PAQR3: variants seen among roughly 807,000 people sequenced by gnomAD.
The protein encoded by PAQR3 is progestin and adipoQ receptor family member 3.
A neutral mutation model predicts 41.7 loss-of-function variants in PAQR3; 39 were observed. The observed-to-expected ratio is 0.93, with a 90% CI of 0.72 to 1.22. The LOEUF (loss-of-function observed/expected upper bound fraction) is 1.22. Among genes scored for constraint, PAQR3 ranks in the 50% most tolerant of loss-of-function variants. The pLI, the probability that PAQR3 is intolerant of heterozygous loss-of-function variation, is 0.00. For missense variants in PAQR3, 366 were observed against 385.6 expected (o/e 0.95, Z 0.42); for synonymous variants, 140 against 140.6 (o/e 1.00, Z 0.03).
At chr4:78,924,198 C>G (rs914477811) in intron 4 of PAQR3, among the ~76,000 whole-genome samples, 3 of 152,100 alleles carry the variant, frequency 2.0e-5, no homozygotes, top group Admixed American at 2.0e-4. Flanking sequence ...CATCCAACTC[C>G]ATCTACAATG....
downstream of PAQR3, among the ~76,000 whole-genome samples, chr4:78,907,163 T>C (rs1040569113): frequency 3.3e-5 from 5 of 152,162 alleles, no homozygotes; most frequent in African/African-American, 1.2e-4. Context: ...GAATAAATAA[T>C]AGACTGTTGA....
At chr4:78,911,644 A>G, downstream of PAQR3, 1 of 1,613,952 alleles carries the variant, frequency 6.2e-7, no homozygotes, top group Non-Finnish European at 8.5e-7. Flanking sequence ...TCAAAGTAGC[A>G]ATGAATTTTT....
chr4:78,922,495 C>A (rs939542115), intron 5 of PAQR3: 2 of 1,196,702 alleles, frequency 1.7e-6, no homozygotes, highest in Middle Eastern at 2.2e-4. Flanking sequence ...GCTCTCCAAA[C>A]TGAAAAAAAA....
At position 78,912,216 on chromosome 4, in the gene PAQR3, C is replaced by G. The variant is rs1042873465; in HGVS notation, c.*8323G>C. ...TCTCTACAGGGTAGTAACTTGATTC[C>G]TCTTCAGGAGAAAAGGGAGCTAAAT... On this transcript the variant is annotated 3_prime_UTR_variant, in exon 6 of 6. Transcript: ENST00000512733. 13 of 571,646 alleles carry G rather than the reference C, an allele frequency of 2.3e-5. No individual in the cohort carries two copies. In the African/African-American group the frequency reaches 2.4e-4, roughly 11 times the overall value. 35.4% of individuals were successfully genotyped at this position (571,646 alleles called of 1,614,324 possible).
At chr4:78,934,693 A>G (rs566651352) in intron 2 of PAQR3, among the ~76,000 whole-genome samples, 1 of 152,348 alleles carries the variant, frequency 6.6e-6, no homozygotes, top group South Asian at 2.1e-4. Flanking sequence ...TAAAAAATCA[A>G]TACCAGCAAA....
chr4:78,903,160 C>T (rs1734104959), intron 11 of PAQR3, among the ~76,000 whole-genome samples: 1 of 151,492 alleles, frequency 6.6e-6, no homozygotes, highest in South Asian at 2.1e-4. Flanking sequence ...ATTTTAACAC[C>T]TTCATAAAAG....
At chr4:78,908,360 C>G (rs1327850212), downstream of PAQR3, among the ~76,000 whole-genome samples, 1 of 152,170 alleles carries the variant, frequency 6.6e-6, no homozygotes, top group Non-Finnish European at 1.5e-5. Context: ...TTACCTCCCT[C>G]AAACATTCTT....
At chr4:78,893,647 C>T (rs1166282838) in intron 11 of PAQR3, among the ~76,000 whole-genome samples, 3 of 152,298 alleles carry the variant, frequency 2.0e-5, no homozygotes, top group East Asian at 1.9e-4. Context: ...ACTATGGCCT[C>T]GAACTCCTGG....
chr4:78,887,088 TTTTA>T (rs1277153621), downstream of PAQR3: 6 of 957,316 alleles, frequency 6.3e-6, no homozygotes, highest in African/African-American at 1.0e-4. Flanking sequence ...TAATTTTCAC[TTTTA>T]TTTATATGTA....
chr4:78,920,080 T>C lies in PAQR3; in HGVS notation c.*459A>G, dbSNP rs1404620572. ...TAAATCTAGTGATTTTAGTGATTAT[T>C]TAAAATCACTATCCTAGCTTGCATT... On this transcript the variant is annotated 3_prime_UTR_variant, in exon 6 of 6. Transcript: ENST00000512733. The C allele has an allele frequency of 1.0e-6, 1 of 984,954 alleles. No individual in the cohort carries two copies. Among genetic ancestry groups the C allele is most frequent in the Non-Finnish European group, 1.2e-6 (1 of 829,306 alleles). 61.0% of individuals were successfully genotyped at this position (984,954 alleles called of 1,614,324 possible). A position where few individuals can be genotyped will look rare whatever the true frequency, so the allele number is the denominator to read the frequency against.
At chr4:78,931,581 C>A (rs887273854) in intron 2 of PAQR3, among the ~76,000 whole-genome samples, 4 of 152,032 alleles carry the variant, frequency 2.6e-5, no homozygotes, top group Non-Finnish European at 4.4e-5. Context: ...TACAGAATCA[C>A]TGAACAAACA....
chr4:78,926,457 C>T, intron 4 of PAQR3, 64 bp downstream of exon 4: 2 of 1,433,240 alleles, frequency 1.4e-6, no homozygotes, highest in Non-Finnish European at 1.9e-6. Flanking sequence ...TACTACTTTA[C>T]CCAAAAGGAA....
At chr4:78,931,860 T>C (rs1486100759) in intron 2 of PAQR3, among the ~76,000 whole-genome samples, 2 of 152,184 alleles carry the variant, frequency 1.3e-5, no homozygotes, top group African/African-American at 4.8e-5. Flanking sequence ...ACATTTCCTA[T>C]ACATTAATGG....
Position 78,919,623 on chromosome 4 carries a change from T to G in PAQR3, c.*916A>C, listed in dbSNP as rs574412498. ...CAGGGTCAAGACAGGGCCATCTAGA[T>G]TCTATGGCCTTGCAAGTAGCACCCA... On this transcript the variant is annotated 3_prime_UTR_variant, in exon 6 of 6. Transcript: ENST00000512733. 1 of 985,080 alleles carries G rather than the reference T, an allele frequency of 1.0e-6. No homozygotes were observed. Among genetic ancestry groups the G allele is most frequent in the South Asian group, 4.7e-5 (1 of 21,292 alleles). 61.0% of individuals were successfully genotyped at this position (985,080 alleles called of 1,614,324 possible).
In PAQR3 at chr4:78,939,389, G is replaced by C. The variant is rs1448639089; in HGVS notation, c.-165C>G. ...AGGGCCCGGCTCTGCGCTCACACCG[G>C]CCACTGCCGCCAGCGCCGCGGCGGA... On this transcript the variant is annotated 5_prime_UTR_variant, in exon 1 of 6. Transcript: ENST00000512733. 4.8e-6 allele frequency: 2 copies of C among 415,284 alleles called. No homozygotes were observed. The highest frequency in any genetic ancestry group is 1.1e-4 in the South Asian group (1 of 8,742). 25.7% of individuals were successfully genotyped at this position (415,284 alleles called of 1,614,324 possible). A position where few individuals can be genotyped will look rare whatever the true frequency, so the allele number is the denominator to read the frequency against.
At chr4:78,909,679 C>T (rs1015728122), downstream of PAQR3, among the ~76,000 whole-genome samples, 8 of 152,182 alleles carry the variant, frequency 5.3e-5, no homozygotes, top group African/African-American at 1.7e-4. Context: ...TCCTAACTGT[C>T]GTCTCCTTAG....
At chr4:78,905,263 A>T (rs1198145133) in intron 11 of PAQR3, among the ~76,000 whole-genome samples, 1 of 151,952 alleles carries the variant, frequency 6.6e-6, no homozygotes, top group Non-Finnish European at 1.5e-5. Context: ...TAGTGTCAGT[A>T]ATTAACATGC....
At chr4:78,936,687 G>A (rs189577324) in intron 1 of PAQR3, among the ~76,000 whole-genome samples, 1 of 152,370 alleles carries the variant, frequency 6.6e-6, no homozygotes, top group African/African-American at 2.4e-5. Flanking sequence ...ATGCACGAAT[G>A]TGCTTGAAAC....
rs1734985998 is a variant in PAQR3, at chr4:78,915,651, C to T, written c.*4888G>A. ...TAAAAATATGTACACACATGCATGT[C>T]ACATCTCTCTACTGTGGAGTTAATG... On this transcript the variant is annotated 3_prime_UTR_variant, in exon 6 of 6. Transcript: ENST00000512733. 1 of 151,818 alleles carries T rather than the reference C, an allele frequency of 6.6e-6. No individual in the cohort carries two copies. Among genetic ancestry groups the T allele is most frequent in the African/African-American group, 2.4e-5 (1 of 41,378 alleles). The allele number at this position is 151,818 out of a possible 1,614,324, so 9.4% of individuals were successfully genotyped here. A position where few individuals can be genotyped will look rare whatever the true frequency, so the allele number is the denominator to read the frequency against.
Sources: gnomAD v4.1 joint callset for allele counts (sites outside exome capture counted in the v4.1 genomes callset) on GRCh38, gnomAD v4.1.1 for gene constraint, MANE v1.5 for transcripts, NCBI Gene and HGNC (gene_info 2026-07-23, HGNC 2026-07-21) for gene names.